FAM114A2: variants seen among roughly 807,000 people sequenced by gnomAD.
FAM114A2 encodes the protein family with sequence similarity 114 member A2.
A neutral mutation model predicts 58.4 loss-of-function variants in FAM114A2; 53 were observed. The observed-to-expected ratio is 0.91, with a 90% CI of 0.73 to 1.14. FAM114A2 has a LOEUF of 1.14. FAM114A2 is among the 50% of genes most tolerant of loss of function. The pLI is 0.00. For synonymous variants in FAM114A2, 228 were observed against 211.4 expected, an observed-to-expected ratio of 1.08 and a Z score of -0.68; for missense variants, 601 against 581.1, an observed-to-expected ratio of 1.03 and a Z score of -0.35.
Position 154,002,958 on chromosome 5 carries a change from G to C in FAM114A2, c.1005C>G (p.Thr335=). The C allele has an allele frequency of 6.2e-7, 1 of 1,612,860 alleles. No homozygotes were observed. Among genetic ancestry groups the C allele is most frequent in the Non-Finnish European group, 8.5e-7 (1 of 1,179,466 alleles). The change falls in exon 10 of 14, where the codon ACC becomes ACG. Residue 335 remains threonine, a synonymous_variant. Coordinates refer to ENST00000351797, the MANE Select transcript of FAM114A2 (RefSeq NM_018691.4). The part of the protein sequence containing the change: ...KPEKLARARN[T]AHEWIRKSLT... ...GAGACTTCCTGATCCATTCGTGGGC[G>C]GTATTTCTTGCCTAAATAAGAAAAA... is the stretch of plus-strand genomic sequence containing the variant.
chr5:153,999,757 T>C (rs967895189), intron 11 of FAM114A2, among the ~76,000 whole-genome samples: 1 of 151,914 alleles, frequency 6.6e-6, no homozygotes, highest in African/African-American at 2.4e-5. Flanking sequence ...AAAAATAAAA[T>C]GGAACTACCA....
intron 12 of FAM114A2, 24 bp from the exon 13 acceptor site, chr5:153,994,996 A>G (rs755943887): frequency 2.6e-6 from 4 of 1,544,904 alleles, no homozygotes; most frequent in Non-Finnish European, 3.6e-6. Context: ...TACATTTTTA[A>G]GTGAGCAGAG....
intron 8 of FAM114A2, among the ~76,000 whole-genome samples, chr5:154,016,337 A>T (rs1430659321): frequency 6.6e-6 from 1 of 152,134 alleles, no homozygotes; most frequent in Non-Finnish European, 1.5e-5. Flanking sequence ...AGTTAAGACA[A>T]GGGAAAGAAT....
chr5:154,004,911 T>C (rs1197809848), intron 9 of FAM114A2, among the ~76,000 whole-genome samples: 1 of 152,172 alleles, frequency 6.6e-6, no homozygotes, highest in East Asian at 1.9e-4. Context: ...GCTCTTTACA[T>C]GATGTAACAG....
Position 154,035,053 on chromosome 5 carries a change from T to G in FAM114A2, c.-14-86A>C, listed in dbSNP as rs893169361. 8 of 736,074 alleles carry G rather than the reference T, an allele frequency of 1.1e-5. No homozygotes were observed. The African/African-American group carries it at 1.4e-4, about 13-fold the overall frequency. The allele number at this position is 736,074 out of a possible 1,614,324, so 45.6% of individuals were successfully genotyped here. On this transcript the variant is annotated intron_variant, in intron 1 of 13. Transcript: ENST00000351797. The stretch of plus-strand genomic sequence containing the variant: ...TAAACTTTTTAGTTTGAGATTATCA[T>G]AGATTCACATACAAGTATAAGGAAT...
rs1245532870 is a variant in FAM114A2, at chr5:154,027,287, C to G, written c.678G>C (p.Glu226Asp). The change falls in exon 7 of 14, where the codon GAG (glutamate) becomes GAC (aspartate). Residue 226 changes from glutamate (E) to aspartate (D), a missense_variant. Physicochemically the swap from Glu to Asp is conservative, Grantham distance 45. Coordinates refer to ENST00000351797, the MANE Select transcript of FAM114A2 (RefSeq NM_018691.4). ...KEKEEIRTSN[E>D]VTVETDKKTH... ...TTTTCTTGTCTGTTTCCACGGTAAC[C>G]TCATTGGAGGTCCGTATCTCTTCTT... 3 of 1,613,456 alleles carry G rather than the reference C, an allele frequency of 1.9e-6. No individual in the cohort carries two copies. The East Asian group carries it at 6.7e-5, about 36-fold the overall frequency.
At chr5:154,031,528 T>A (rs752445889) in intron 4 of FAM114A2, among the ~76,000 whole-genome samples, 18 of 152,098 alleles carry the variant, frequency 1.2e-4, no homozygotes, top group Non-Finnish European at 1.9e-4. Context: ...GGAATTAACC[T>A]CCTTCCTCAG....
chr5:154,022,869 A>G (rs1371391216), intron 8 of FAM114A2, among the ~76,000 whole-genome samples: 1 of 152,206 alleles, frequency 6.6e-6, no homozygotes, highest in Admixed American at 6.5e-5. Context: ...CACAATAGCA[A>G]AGACTTGGAA....
At position 153,991,761 on chromosome 5, in the gene FAM114A2, C is replaced by A. The variant is rs1166259238; in HGVS notation, c.*1215G>T. ...TGTTTACAAAAGTAAATGAAAGGATCAAATAACATGATTAATACATTTTAT... is the reference window on the plus strand; with the variant it reads ...TGTTTACAAAAGTAAATGAAAGGATAAAATAACATGATTAATACATTTTAT... On this transcript the variant is annotated 3_prime_UTR_variant, in exon 14 of 14. Transcript: ENST00000351797. The A allele has an allele frequency of 1.4e-5, 2 of 144,960 alleles. No homozygotes were observed. Among genetic ancestry groups the A allele is most frequent in the African/African-American group, 5.1e-5 (2 of 38,966 alleles). 9.0% of individuals were successfully genotyped at this position (144,960 alleles called of 1,614,324 possible). A position where few individuals can be genotyped will look rare whatever the true frequency, so the allele number is the denominator to read the frequency against.
intron 1 of FAM114A2, chr5:154,037,435 T>C (rs1000411913): frequency 2.0e-5 from 3 of 152,216 alleles, no homozygotes; most frequent in African/African-American, 7.2e-5. Flanking sequence ...ACCTACTACG[T>C]ACCAAGTAGT....
intron 8 of FAM114A2, among the ~76,000 whole-genome samples, chr5:154,015,726 C>G (rs1475456306): frequency 1.3e-5 from 2 of 151,972 alleles, no homozygotes; most frequent in Non-Finnish European, 2.9e-5. Context: ...TTTAACACCC[C>G]CAAAAATCAC....
intron 1 of FAM114A2, chr5:154,036,394 A>G (rs1251335453): frequency 2.0e-5 from 3 of 152,206 alleles, no homozygotes; most frequent in Admixed American, 6.5e-5. Flanking sequence ...CTCTACAAAG[A>G]ACAGACACTA....
At chr5:154,021,536 TCC>T (rs1406525902) in intron 8 of FAM114A2, among the ~76,000 whole-genome samples, 1 of 152,098 alleles carries the variant, frequency 6.6e-6, no homozygotes, top group East Asian at 1.9e-4. Flanking sequence ...ATGAGTGAAC[TCC>T]CATTCACAAT....
chr5:153,995,033 C>G, intron 12 of FAM114A2, 61 bp from the exon 13 acceptor site: 1 of 1,046,486 alleles, frequency 9.6e-7, no homozygotes, highest in Non-Finnish European at 1.5e-6. Context: ...AAGTGGAGTA[C>G]GATCACACTT....
intron 9 of FAM114A2, among the ~76,000 whole-genome samples, chr5:154,003,336 G>A (rs570548955): frequency 2.0e-5 from 3 of 151,880 alleles, no homozygotes; most frequent in Non-Finnish European, 2.9e-5. Flanking sequence ...CCACCACCAC[G>A]CCCAGCTAAT....
intron 8 of FAM114A2, 39 bp downstream of exon 8, chr5:154,026,360 C>T (rs77241582): frequency 0.032 from 46,490 of 1,471,040 alleles, 968 homozygotes; most frequent in South Asian, 0.079. Flanking sequence ...TACAAACACA[C>T]TGCATCCTCT....
At chr5:153,997,707 A>G (rs1561540064) in intron 12 of FAM114A2, 96 bp downstream of exon 12, 2 of 752,676 alleles carry the variant, frequency 2.7e-6, no homozygotes, top group Non-Finnish European at 4.6e-6. Context: ...ACTAAAAACT[A>G]TTGAATTGTA....
Position 153,994,863 on chromosome 5 carries a change from A to G in FAM114A2, c.1383+56T>C, listed in dbSNP as rs888670303. Reference sequence around the variant, plus strand: ...AAAAGCCAAAAGCAAAAGGCTTCAGAAGAGTTAATTATACGTAATACCTTT... The same window carrying G: ...AAAAGCCAAAAGCAAAAGGCTTCAGGAGAGTTAATTATACGTAATACCTTT... On this transcript the variant is annotated intron_variant, in intron 13 of 13. Transcript: ENST00000351797. The G allele has an allele frequency of 8.7e-6, 10 of 1,153,804 alleles. No individual in the cohort carries two copies. In the African/African-American group the frequency reaches 1.5e-4, roughly 18 times the overall value. The allele number at this position is 1,153,804 out of a possible 1,614,324, so 71.5% of individuals were successfully genotyped here.
At position 153,990,694 on chromosome 5, in the gene FAM114A2, A is replaced by T. The variant is rs1769217910; in HGVS notation, c.*2282T>A. 1 of 152,196 alleles carries T rather than the reference A, an allele frequency of 6.6e-6. No homozygotes were observed. Among genetic ancestry groups the T allele is most frequent in the Non-Finnish European group, 1.5e-5 (1 of 68,026 alleles). 9.4% of individuals were successfully genotyped at this position (152,196 alleles called of 1,614,324 possible). The stretch of plus-strand genomic sequence containing the variant: ...TAGTAGGAAAAGACACATTTACCCT[A>T]GCAATACCTGAACATTTCACTTATT... On this transcript the variant is annotated 3_prime_UTR_variant, in exon 14 of 14. Coordinates refer to ENST00000351797, the MANE Select transcript of FAM114A2 (RefSeq NM_018691.4).
Sources: gnomAD v4.1 joint callset for allele counts (sites outside exome capture counted in the v4.1 genomes callset) on GRCh38, gnomAD v4.1.1 for gene constraint, MANE v1.5 for transcripts, NCBI Gene and HGNC (gene_info 2026-07-23, HGNC 2026-07-21) for gene names.